The following MLXIP variants were observed in gnomAD, a reference collection of about 807,000 sequenced individuals.
MLXIP encodes MLX-interacting protein.
In MLXIP, 30 loss-of-function variants were observed where a neutral mutation model predicts 87.2. The ratio of observed to expected loss-of-function variants is 0.34; its 90% CI spans 0.26 to 0.47. MLXIP has a LOEUF of 0.47. MLXIP is among the 20% of genes least tolerant of loss of function. The pLI is 1.00. For synonymous variants in MLXIP, 530 were observed against 514.0 expected (o/e 1.03, Z -0.42); for missense variants, 1,002 against 1,240.1 (o/e 0.81, Z 2.88).
intron 1 of MLXIP, among the ~76,000 whole-genome samples, chr12:122,108,158 A>G (rs1952550068): frequency 6.6e-6 from 1 of 152,012 alleles, no homozygotes; most frequent in South Asian, 2.1e-4. Flanking sequence ...TCACGAGTTC[A>G]AGAGATCAAG....
chr12:122,134,049 C>T, intron 9 of MLXIP, 62 bp downstream of exon 9: 1 of 1,496,460 alleles, frequency 6.7e-7, no homozygotes, highest in Non-Finnish European at 8.9e-7. Context: ...GTTTTCCCAT[C>T]CCAAAGGCTT....
chr12:122,136,843 G>A (rs1953102369), intron 11 of MLXIP: 2 of 152,234 alleles, frequency 1.3e-5, no homozygotes, highest in Admixed American at 6.5e-5. Flanking sequence ...AAATAATCGA[G>A]GGAGAGGTTA....
At chr12:122,091,451 A>G (rs1447671651) in intron 1 of MLXIP, among the ~76,000 whole-genome samples, 2 of 152,192 alleles carry the variant, frequency 1.3e-5, no homozygotes, top group Admixed American at 6.5e-5. Flanking sequence ...TAGTCCCAGC[A>G]CTTTGGGAGG....
At chr12:122,093,017 T>G (rs1251030837) in intron 1 of MLXIP, among the ~76,000 whole-genome samples, 4 of 141,764 alleles carry the variant, frequency 2.8e-5, no homozygotes, top group African/African-American at 1.0e-4. Flanking sequence ...TGGTGTGGTC[T>G]GTGTATATGT....
In MLXIP at chr12:122,128,943, C is replaced by T. The variant is rs113888643; in HGVS notation, c.607-194C>T. 3,482 of 596,162 alleles carry T rather than the reference C, an allele frequency of 5.8e-3. 19 individuals carry two copies. The highest frequency in any genetic ancestry group is 8.6e-3 in the Non-Finnish European group (2,875 of 332,478). 36.9% of individuals were successfully genotyped at this position (596,162 alleles called of 1,614,324 possible). A position where few individuals can be genotyped will look rare whatever the true frequency, so the allele number is the denominator to read the frequency against. On this transcript the variant is annotated intron_variant, in intron 3 of 16. Transcript: ENST00000319080. ...GCTACCTTAGGTCTTGAAATGACAGCGCATTGTTAGCTAGAGGGTCTGCTA... is the reference window on the plus strand; with the variant it reads ...GCTACCTTAGGTCTTGAAATGACAGTGCATTGTTAGCTAGAGGGTCTGCTA...
intron 3 of MLXIP, chr12:122,128,519 G>A (rs1952918491): frequency 6.4e-6 from 1 of 156,798 alleles, no homozygotes; most frequent in Admixed American, 6.2e-5. Context: ...TGGCAATATT[G>A]TAATCAGTTC....
Position 122,083,474 on chromosome 12 carries a change from G to A in MLXIP, c.413+4208G>A, listed in dbSNP as rs557355119. Reference sequence around the variant, plus strand: ...ATGTTGCCCAGTCTGGAGTGCAATGGTGCGATCTCGGCTCACTGCAACCTC... The same window carrying A: ...ATGTTGCCCAGTCTGGAGTGCAATGATGCGATCTCGGCTCACTGCAACCTC... On this transcript the variant is annotated intron_variant, in intron 1 of 16. Transcript: ENST00000319080. 3.3e-5 allele frequency among the ~76,000 whole-genome samples: 5 copies of A among 151,968 alleles called. No homozygotes were observed. In the South Asian group the frequency reaches 1.0e-3, roughly 32 times the overall value.
chr12:122,132,028 A>C (rs551728334), intron 7 of MLXIP, among the ~76,000 whole-genome samples: 1 of 143,722 alleles, frequency 7.0e-6, no homozygotes, highest in South Asian at 2.2e-4. Context: ...GGTTCAAGCC[A>C]TTCTCCTGCC....
intron 1 of MLXIP, among the ~76,000 whole-genome samples, chr12:122,082,178 T>C (rs1952100886): frequency 6.6e-6 from 1 of 152,100 alleles, no homozygotes; most frequent in South Asian, 2.1e-4. Flanking sequence ...TGGATATGAG[T>C]GTGCCCAGGG....
Position 122,078,936 on chromosome 12 carries a change from A to C in MLXIP, c.83A>C (p.Glu28Ala). Residue 28 changes from glutamate (E) to alanine (A), a missense_variant, in exon 1 of 17, where the codon GAG (glutamate) becomes GCG (alanine). Physicochemically the swap from Glu to Ala is moderately radical, Grantham distance 107. Coordinates refer to ENST00000319080, the MANE Select transcript of MLXIP (RefSeq NM_014938.6). ...GTGCTGCTCAAGCCCCAGGTGTCCG[A>C]GGACGACGACGACTCGGACACGGAT... ...RQVLLKPQVS[E>A]DDDDSDTDEP... The C allele has an allele frequency of 5.3e-6, 6 of 1,123,080 alleles. No homozygotes were observed. Among genetic ancestry groups the C allele is most frequent in the Non-Finnish European group, 6.6e-6 (6 of 913,174 alleles). 69.6% of individuals were successfully genotyped at this position (1,123,080 alleles called of 1,614,324 possible). A position where few individuals can be genotyped will look rare whatever the true frequency, so the allele number is the denominator to read the frequency against.
At chr12:122,125,642 G>A (rs1175138483) in intron 1 of MLXIP, among the ~76,000 whole-genome samples, 1 of 152,244 alleles carries the variant, frequency 6.6e-6, no homozygotes, top group Non-Finnish European at 1.5e-5. Context: ...CCATCAGCAT[G>A]GAGGTGGGTT....
chr12:122,104,418 C>T (rs1434759430), intron 1 of MLXIP, among the ~76,000 whole-genome samples: 1 of 152,034 alleles, frequency 6.6e-6, no homozygotes, highest in Non-Finnish European at 1.5e-5. Context: ...TTCCTTTGTT[C>T]GGCATGTTTT....
rs1445507838 is a variant in MLXIP, at chr12:122,142,550, G to T, written c.*738G>T. On this transcript the variant is annotated 3_prime_UTR_variant, in exon 17 of 17. Coordinates refer to ENST00000319080, the MANE Select transcript of MLXIP (RefSeq NM_014938.6). ...TCCCCTTTTAGCTCCACCTGACATT[G>T]CAGGATCCATGGGGACTCAGCCCAG... The T allele has an allele frequency of 5.8e-6, 2 of 345,320 alleles. No homozygotes were observed. The highest frequency in any genetic ancestry group is 1.1e-5 in the Non-Finnish European group (2 of 174,144). 21.4% of individuals were successfully genotyped at this position (345,320 alleles called of 1,614,324 possible).
intron 1 of MLXIP, among the ~76,000 whole-genome samples, chr12:122,096,745 C>G (rs1355323219): frequency 6.6e-6 from 1 of 152,192 alleles, no homozygotes; most frequent in Non-Finnish European, 1.5e-5. Context: ...TTGTGGTGCT[C>G]TGCTGACAGA....
intron 15 of MLXIP, among the ~76,000 whole-genome samples, chr12:122,139,796 C>T (rs1173174855): frequency 6.6e-6 from 1 of 152,192 alleles, no homozygotes; most frequent in African/African-American, 2.4e-5. Context: ...GCCTCAGCCT[C>T]CTGAGTGGCT....
chr12:122,113,505 C>T (rs1307727369), intron 1 of MLXIP, among the ~76,000 whole-genome samples: 1 of 151,834 alleles, frequency 6.6e-6, no homozygotes, highest in Non-Finnish European at 1.5e-5. Flanking sequence ...TGGGTTCAAG[C>T]GATCCACCCA....
At chr12:122,080,969 A>G (rs1035785694) in intron 1 of MLXIP, among the ~76,000 whole-genome samples, 1 of 152,198 alleles carries the variant, frequency 6.6e-6, no homozygotes, top group African/African-American at 2.4e-5. Context: ...CATGGACTGG[A>G]AAGGTCTCAC....
At chr12:122,141,208 A>G (rs73219860) in intron 16 of MLXIP, 125 bp downstream of exon 16, 268,542 of 1,368,122 alleles carry the variant, frequency 0.2, 27,295 homozygotes, top group East Asian at 0.26. Context: ...GCAGGGGCAC[A>G]GTGCTGTCCA....
intron 1 of MLXIP, among the ~76,000 whole-genome samples, chr12:122,101,098 T>C (rs1440102981): frequency 6.6e-6 from 1 of 152,234 alleles, no homozygotes; most frequent in Non-Finnish European, 1.5e-5. Flanking sequence ...CAGGGCAGAC[T>C]ATGTCCCCGG....
Sources: gnomAD v4.1 joint callset for allele counts (sites outside exome capture counted in the v4.1 genomes callset) on GRCh38, gnomAD v4.1.1 for gene constraint, MANE v1.5 for transcripts, NCBI Gene and HGNC (gene_info 2026-07-23, HGNC 2026-07-21) for gene names.